CCDC57: variants seen among roughly 807,000 people sequenced by gnomAD.
CCDC57 encodes coiled-coil domain containing 57, also known as coiled-coil domain-containing protein 57.
CCDC57 carries 118 observed loss-of-function variants against 118.9 expected under a neutral mutation model. The observed-to-expected ratio is 0.99, with a 90% CI of 0.86 to 1.16. The LOEUF is 1.16. Ranked by LOEUF, CCDC57 falls within the 50% of genes most tolerant of loss-of-function variation. The pLI, the probability that CCDC57 is intolerant of heterozygous loss-of-function variation, is 0.00. For missense variants in CCDC57, 1,300 were observed against 1,320.7 expected (o/e 0.98, Z 0.24); for synonymous variants, 527 against 532.9 (o/e 0.99, Z 0.15).
chr17:82,159,797 G>A (rs1460724855), intron 14 of CCDC57, among the ~76,000 whole-genome samples: 4 of 151,230 alleles, frequency 2.6e-5, no homozygotes, highest in South Asian at 4.2e-4. Context: ...TCAGCCTCCC[G>A]AGTAGCTGGG....
intron 16 of CCDC57, among the ~76,000 whole-genome samples, chr17:82,137,226 C>T (rs1279909567): frequency 6.6e-6 from 1 of 152,016 alleles, no homozygotes; most frequent in Non-Finnish European, 1.5e-5. Context: ...CCGTGTTGGC[C>T]AGGCTGGTCT....
intron 16 of CCDC57, among the ~76,000 whole-genome samples, chr17:82,148,940 G>T: frequency 1.2e-5 from 1 of 85,904 alleles, no homozygotes; most frequent in Non-Finnish European, 2.2e-5. Context: ...GGATGGGTGG[G>T]TGGGTGGATG....
At chr17:82,205,940 A>T (rs568279197) in intron 2 of CCDC57, among the ~76,000 whole-genome samples, 2 of 152,242 alleles carry the variant, frequency 1.3e-5, no homozygotes, top group East Asian at 3.9e-4. Flanking sequence ...TACAAATCCC[A>T]TCTCGGGATG....
At chr17:82,102,372 C>T (rs954058192) in intron 19 of CCDC57, among the ~76,000 whole-genome samples, 12 of 152,258 alleles carry the variant, frequency 7.9e-5, no homozygotes, top group East Asian at 7.7e-4. Context: ...GTGGGCACCA[C>T]GTGGCCAGGC....
At chr17:82,180,481 T>A (rs1184777778) in intron 9 of CCDC57, among the ~76,000 whole-genome samples, 1 of 152,240 alleles carries the variant, frequency 6.6e-6, no homozygotes, top group African/African-American at 2.4e-5. Context: ...TAATTATTTT[T>A]AGGTTTTTTT....
rs1260674820 is a variant in CCDC57, at chr17:82,184,488, A to C, written c.1053-556T>G. ...CCAAAATGGAATAAATTTCCCAAGA[A>C]AATGTTCGGGACAATATCTAGAGCT... is the stretch of plus-strand genomic sequence containing the variant. On this transcript the variant is annotated intron_variant, in intron 8 of 19. Transcript: ENST00000665763. Among the ~76,000 whole-genome samples, 5 of 152,380 alleles carry C rather than the reference A, an allele frequency of 3.3e-5. No individual in the cohort carries two copies. In the East Asian group the frequency reaches 7.7e-4, roughly 23 times the overall value.
At chr17:82,113,774 A>T in intron 19 of CCDC57, 1 of 660,042 alleles carries the variant, frequency 1.5e-6, no homozygotes, top group Non-Finnish European at 2.7e-6. Flanking sequence ...TTCTACAAAA[A>T]AATAAAATAA....
At chr17:82,206,104 G>A (rs778276906) in intron 2 of CCDC57, among the ~76,000 whole-genome samples, 1 of 152,248 alleles carries the variant, frequency 6.6e-6, no homozygotes, top group East Asian at 1.9e-4. Context: ...GGCAGGAGAA[G>A]CCGCCGGGGA....
At chr17:82,183,069 C>T (rs977493994) in intron 9 of CCDC57, among the ~76,000 whole-genome samples, 83 of 152,222 alleles carry the variant, frequency 5.5e-4, no homozygotes, top group African/African-American at 2.0e-3. Context: ...CCAATCACCT[C>T]CCATCAGGGT....
intron 19 of CCDC57, chr17:82,113,609 G>C: frequency 1.4e-6 from 1 of 717,494 alleles, no homozygotes; most frequent in South Asian, 1.5e-5. Flanking sequence ...TACCAAGCTC[G>C]CCTCCTGGTT....
intron 11 of CCDC57, among the ~76,000 whole-genome samples, chr17:82,174,032 A>G (rs778474262): frequency 5.9e-5 from 9 of 152,242 alleles, no homozygotes; most frequent in Non-Finnish European, 2.9e-5. Flanking sequence ...CAGATACGGG[A>G]GAGGGAAACA....
In CCDC57 at chr17:82,188,419, C is replaced by G. The variant is rs201458041; in HGVS notation, c.852G>C (p.Lys284Asn). ...TGGCCAGACGGTCGAGCTCCTCATGCCTGAAACACAGTGAGTGTCCCATGG... is the reference window on the plus strand; with the variant it reads ...TGGCCAGACGGTCGAGCTCCTCATGGCTGAAACACAGTGAGTGTCCCATGG... The change falls in exon 8 of 20, where the codon AAG becomes AAC. Residue 284 changes from lysine (K) to asparagine (N), a missense_variant and splice_region_variant. Coordinates refer to ENST00000665763, the Ensembl canonical transcript of CCDC57. 144 of 1,609,684 alleles carry G rather than the reference C, an allele frequency of 8.9e-5. No individual in the cohort carries two copies. The African/African-American group carries it at 1.7e-3, about 19-fold the overall frequency.
chr17:82,197,760 G>C (rs1215756891), intron 4 of CCDC57, among the ~76,000 whole-genome samples: 2 of 152,160 alleles, frequency 1.3e-5, no homozygotes, highest in Non-Finnish European at 1.5e-5. Context: ...CTGAGGGCCT[G>C]AATAGAACGA....
At chr17:82,158,675 G>A (rs1325123476) in intron 14 of CCDC57, among the ~76,000 whole-genome samples, 8 of 132,916 alleles carry the variant, frequency 6.0e-5, no homozygotes, top group Admixed American at 2.4e-4. Context: ...GCGACAGAGC[G>A]AGACTCCATT....
intron 14 of CCDC57, among the ~76,000 whole-genome samples, chr17:82,159,303 A>C (rs2043040409): frequency 6.6e-6 from 1 of 152,208 alleles, no homozygotes; most frequent in South Asian, 2.1e-4. Context: ...CCAGCCTAAA[A>C]GCTGTATTTA....
At chr17:82,133,926 T>C (rs1176608502) in intron 17 of CCDC57, 147 bp downstream of exon 16, 9 of 814,382 alleles carry the variant, frequency 1.1e-5, no homozygotes, top group Non-Finnish European at 1.4e-5. Context: ...AGAAAACACA[T>C]TGAAATGTTA....
chr17:82,145,026 C>CTT (rs63184860), intron 16 of CCDC57, among the ~76,000 whole-genome samples: 30,012 of 120,156 alleles, frequency 0.25, 4,256 homozygotes, highest in Non-Finnish European at 0.34. Flanking sequence ...TTTTTTTTTT[C>CTT]TTTTTTTTTT....
At chr17:82,133,273 C>T (rs1269412931) in intron 17 of CCDC57, among the ~76,000 whole-genome samples, 1 of 151,736 alleles carries the variant, frequency 6.6e-6, no homozygotes, top group Admixed American at 6.6e-5. Context: ...ACTTGGAAGG[C>T]TGAGGTGGGA....
At chr17:82,185,491 C>T (rs1403929539) in intron 8 of CCDC57, among the ~76,000 whole-genome samples, 3 of 149,942 alleles carry the variant, frequency 2.0e-5, no homozygotes, top group African/African-American at 7.4e-5. Context: ...TGGTGGCACG[C>T]ACCTGTAGTC....
Sources: gnomAD v4.1 joint callset for allele counts (sites outside exome capture counted in the v4.1 genomes callset) on GRCh38, gnomAD v4.1.1 for gene constraint, MANE v1.5 for transcripts, NCBI Gene and HGNC (gene_info 2026-07-23, HGNC 2026-07-21) for gene names.